Variants in LDB2 observed in about 807,000 individuals in gnomAD.
LDB2 encodes the protein LIM domain-binding protein 2.
LDB2 carries 12 observed loss-of-function variants against 44.3 expected under a neutral mutation model. The observed-to-expected ratio is 0.27, with a 90% CI of 0.17 to 0.44. The LOEUF (loss-of-function observed/expected upper bound fraction) is 0.44, where lower values mean the gene tolerates loss of function less well. Among genes scored for constraint, LDB2 ranks in the 20% least tolerant of loss-of-function variants. LDB2 has a pLI of 1.00. For synonymous variants in LDB2, 164 were observed against 174.8 expected (o/e 0.94, Z 0.49); for missense variants, 344 against 473.5 (o/e 0.73, Z 2.54).
At chr4:16,678,775 C>A (rs1008828377) in intron 2 of LDB2, among the ~76,000 whole-genome samples, 18 of 152,150 alleles carry the variant, frequency 1.2e-4, no homozygotes, top group African/African-American at 3.9e-4. Context: ...TACTCCAGCT[C>A]ATGACAGGGT....
intron 2 of LDB2, among the ~76,000 whole-genome samples, chr4:16,687,270 A>C (rs553826336): frequency 5.1e-4 from 77 of 152,308 alleles, no homozygotes; most frequent in African/African-American, 1.7e-3. Context: ...TTTGGAAGGT[A>C]ATAAGGTTAT....
chr4:16,813,877 C>CTT (rs369397187), intron 1 of LDB2, among the ~76,000 whole-genome samples: 13 of 143,942 alleles, frequency 9.0e-5, no homozygotes, highest in East Asian at 4.0e-4. Context: ...CTTTTCTTTT[C>CTT]TTTTTTTTTT....
chr4:16,837,749 G>A (rs577971487), intron 1 of LDB2, among the ~76,000 whole-genome samples: 26 of 152,320 alleles, frequency 1.7e-4, no homozygotes, highest in African/African-American at 6.0e-4. Context: ...TGACAGAAGG[G>A]CTACTCACCT....
chr4:16,665,512 A>G (rs2019614), intron 2 of LDB2, among the ~76,000 whole-genome samples: 149,802 of 152,194 alleles, frequency 0.98, 73,770 homozygotes, highest in Middle Eastern at 1. Context: ...TGATCTGCCC[A>G]CCTCGGCCTC....
chr4:16,685,185 A>G (rs1443820326), intron 2 of LDB2, among the ~76,000 whole-genome samples: 1 of 152,222 alleles, frequency 6.6e-6, no homozygotes, highest in Non-Finnish European at 1.5e-5. Flanking sequence ...GATGAAAGGA[A>G]AGGATATTTA....
intron 2 of LDB2, among the ~76,000 whole-genome samples, chr4:16,635,911 T>G (rs1733468135): frequency 6.6e-6 from 1 of 152,152 alleles, no homozygotes; most frequent in Non-Finnish European, 1.5e-5. Context: ...CTCGCTGGAT[T>G]TGTTGTTTCT....
intron 1 of LDB2, among the ~76,000 whole-genome samples, chr4:16,791,530 G>A (rs538434507): frequency 8.4e-5 from 10 of 118,864 alleles, no homozygotes; most frequent in South Asian, 3.0e-4. Context: ...ACTCCAGCCC[G>A]GGCAACAGAG....
chr4:16,554,045 C>T (rs1281107529), intron 5 of LDB2, among the ~76,000 whole-genome samples: 1 of 151,082 alleles, frequency 6.6e-6, no homozygotes, highest in Non-Finnish European at 1.5e-5. Flanking sequence ...CATTCAATGG[C>T]CTGAATTTTT....
At chr4:16,806,780 G>T (rs1778867284) in intron 1 of LDB2, among the ~76,000 whole-genome samples, 1 of 152,146 alleles carries the variant, frequency 6.6e-6, no homozygotes, top group South Asian at 2.1e-4. Flanking sequence ...TGGACAGACT[G>T]CCTGGGTTGT....
chr4:16,516,687 T>C (rs1723865005), intron 5 of LDB2, among the ~76,000 whole-genome samples: 1 of 152,148 alleles, frequency 6.6e-6, no homozygotes, highest in Admixed American at 6.5e-5. Context: ...CATGAGCTCA[T>C]TGTCTTTTCC....
At chr4:16,646,623 C>T (rs3763969) in intron 2 of LDB2, among the ~76,000 whole-genome samples, 25,464 of 152,114 alleles carry the variant, frequency 0.17, 2,175 homozygotes, top group Non-Finnish European at 0.19. Flanking sequence ...CCTACCAATC[C>T]TAGCAGGGAC....
intron 1 of LDB2, among the ~76,000 whole-genome samples, chr4:16,838,195 G>A (rs1004014700): frequency 1.3e-5 from 2 of 152,186 alleles, no homozygotes; most frequent in Non-Finnish European, 2.9e-5. Context: ...GGAAATATAT[G>A]AGCTAAACTT....
intron 2 of LDB2, among the ~76,000 whole-genome samples, chr4:16,683,226 T>A (rs1384219116): frequency 6.6e-6 from 1 of 152,212 alleles, no homozygotes; most frequent in African/African-American, 2.4e-5. Context: ...AAAATTCCCC[T>A]TGTAGATAAC....
intron 2 of LDB2, among the ~76,000 whole-genome samples, chr4:16,717,691 C>T (rs1475448851): frequency 6.6e-6 from 1 of 152,124 alleles, no homozygotes; most frequent in East Asian, 1.9e-4. Flanking sequence ...TTTCCTTATA[C>T]ACAAATCTGA....
At chr4:16,865,514 G>C (rs570448998) in intron 1 of LDB2, among the ~76,000 whole-genome samples, 4 of 152,242 alleles carry the variant, frequency 2.6e-5, no homozygotes, top group African/African-American at 9.6e-5. Flanking sequence ...CCTCACACCA[G>C]CTCCTGTGAT....
intron 2 of LDB2, among the ~76,000 whole-genome samples, chr4:16,627,451 G>A (rs1730576633): frequency 6.6e-6 from 1 of 152,114 alleles, no homozygotes; most frequent in Admixed American, 6.5e-5. Flanking sequence ...CTACCTTCTG[G>A]AAAGAAGGAA....
At chr4:16,572,401 C>A (rs1182112717) in intron 5 of LDB2, among the ~76,000 whole-genome samples, 2 of 152,132 alleles carry the variant, frequency 1.3e-5, no homozygotes, top group African/African-American at 4.8e-5. Context: ...TAAACAATTT[C>A]TTTCTCTTTC....
intron 1 of LDB2, among the ~76,000 whole-genome samples, chr4:16,873,526 T>C (rs570150504): frequency 5.9e-5 from 9 of 152,314 alleles, no homozygotes; most frequent in African/African-American, 2.2e-4. Flanking sequence ...TCTTTGTCCT[T>C]AGGCTTTCTA....
intron 2 of LDB2, among the ~76,000 whole-genome samples, chr4:16,718,362 C>T (rs912315762): frequency 2.0e-5 from 3 of 152,070 alleles, no homozygotes; most frequent in South Asian, 2.1e-4. Flanking sequence ...TTGAATATGT[C>T]GAGTCTAATG....
Sources: gnomAD v4.1 joint callset for allele counts (sites outside exome capture counted in the v4.1 genomes callset) on GRCh38, gnomAD v4.1.1 for gene constraint, MANE v1.5 for transcripts, NCBI Gene and HGNC (gene_info 2026-07-23, HGNC 2026-07-21) for gene names.